Variants in KCNAB1 observed in about 807,000 individuals in gnomAD.
KCNAB1 encodes potassium voltage-gated channel subfamily A regulatory beta subunit 1.
Under a neutral mutation model 64.6 loss-of-function variants are expected in KCNAB1, and 35 were observed. The ratio of observed to expected loss-of-function variants is 0.54; its 90% CI spans 0.41 to 0.72. The LOEUF is 0.72. Among genes scored for constraint, KCNAB1 ranks in the 30% least tolerant of loss-of-function variants. The pLI is 0.00. For missense variants in KCNAB1, 401 were observed against 512.9 expected, an observed-to-expected ratio of 0.78 and a Z score of 2.11; for synonymous variants, 177 against 183.8, an observed-to-expected ratio of 0.96 and a Z score of 0.30.
At chr3:156,188,682 A>G (rs1463973016) in intron 1 of KCNAB1, among the ~76,000 whole-genome samples, 1 of 152,208 alleles carries the variant, frequency 6.6e-6, no homozygotes, top group East Asian at 1.9e-4. Context: ...TGCTTCATCT[A>G]TTCTGAAACT....
intron 1 of KCNAB1, among the ~76,000 whole-genome samples, chr3:156,122,161 T>A (rs1317234851): frequency 7.1e-6 from 1 of 140,486 alleles, no homozygotes; most frequent in African/African-American, 2.7e-5. Context: ...ACATTTGGGG[T>A]ACATGGGAGG....
At chr3:156,118,388 G>T (rs1713173146), upstream of KCNAB1, 1 of 445,596 alleles carries the variant, frequency 2.2e-6, no homozygotes, top group Non-Finnish European at 4.5e-6. Context: ...GTGGGTGAAA[G>T]CTGCATGGTC....
chr3:156,366,444 G>A (rs1018169735), intron 1 of KCNAB1, among the ~76,000 whole-genome samples: 2 of 152,144 alleles, frequency 1.3e-5, no homozygotes, highest in African/African-American at 4.8e-5. Context: ...GCCATACTAA[G>A]TGCTCAATAA....
intron 1 of KCNAB1, among the ~76,000 whole-genome samples, chr3:156,245,544 A>G (rs1717405103): frequency 6.6e-6 from 1 of 152,180 alleles, no homozygotes; most frequent in East Asian, 1.9e-4. Flanking sequence ...ATTTACTTCT[A>G]TGCAATTTTG....
chr3:156,229,799 G>A (rs34582489), intron 1 of KCNAB1, among the ~76,000 whole-genome samples: 15,787 of 152,164 alleles, frequency 0.1, 1,120 homozygotes, highest in Non-Finnish European at 0.15. Flanking sequence ...TAGCAGCTGT[G>A]CCTAGAGGTA....
chr3:156,403,516 T>A (rs1014042646), intron 1 of KCNAB1, among the ~76,000 whole-genome samples: 1 of 152,238 alleles, frequency 6.6e-6, no homozygotes, highest in Non-Finnish European at 1.5e-5. Context: ...TTCCTTCTGA[T>A]ATAAGGCTCA....
At chr3:156,283,478 C>T (rs1000435466) in intron 1 of KCNAB1, among the ~76,000 whole-genome samples, 21 of 148,472 alleles carry the variant, frequency 1.4e-4, no homozygotes, top group East Asian at 7.9e-4. Context: ...ATCTTTGTGG[C>T]GTTCTCTGTA....
At chr3:156,382,509 A>G (rs1712240014) in intron 1 of KCNAB1, among the ~76,000 whole-genome samples, 1 of 152,062 alleles carries the variant, frequency 6.6e-6, no homozygotes, top group Admixed American at 6.6e-5. Context: ...AACAAAAAAC[A>G]AACAAAAAAA....
At chr3:156,348,263 C>T (rs554021311) in intron 1 of KCNAB1, among the ~76,000 whole-genome samples, 1 of 152,092 alleles carries the variant, frequency 6.6e-6, no homozygotes, top group South Asian at 2.1e-4. Context: ...ACAATGAGAA[C>T]AGAACATGCA....
chr3:156,226,777 C>A (rs909372927), intron 1 of KCNAB1, among the ~76,000 whole-genome samples: 31 of 152,160 alleles, frequency 2.0e-4, no homozygotes, highest in African/African-American at 7.0e-4. Context: ...TCCTTTTATT[C>A]CAGTTTCAGG....
chr3:156,151,005 G>C (rs1715371532), intron 1 of KCNAB1, among the ~76,000 whole-genome samples: 1 of 152,188 alleles, frequency 6.6e-6, no homozygotes, highest in East Asian at 1.9e-4. Flanking sequence ...GGTGAAGAAA[G>C]GAAAAGTAGA....
intron 1 of KCNAB1, among the ~76,000 whole-genome samples, chr3:156,145,306 C>T (rs887224463): frequency 1.3e-5 from 2 of 152,188 alleles, no homozygotes; most frequent in African/African-American, 4.8e-5. Flanking sequence ...TGTGCTCTGA[C>T]ACATCTTCCT....
At chr3:156,341,755 A>G (rs1392447023) in intron 1 of KCNAB1, among the ~76,000 whole-genome samples, 1 of 152,238 alleles carries the variant, frequency 6.6e-6, no homozygotes, top group African/African-American at 2.4e-5. Context: ...GACCTAGTGC[A>G]TACATACATA....
intron 1 of KCNAB1, among the ~76,000 whole-genome samples, chr3:156,344,169 T>G (rs937037583): frequency 6.6e-6 from 1 of 152,144 alleles, no homozygotes; most frequent in African/African-American, 2.4e-5. Context: ...TCATTTGAGC[T>G]CAGCTCTTTC....
intron 11 of KCNAB1, among the ~76,000 whole-genome samples, chr3:156,521,234 G>A (rs992999940): frequency 2.0e-5 from 3 of 152,238 alleles, no homozygotes; most frequent in South Asian, 2.1e-4. Context: ...GAGTAGCTCC[G>A]GGACTTGTAA....
chr3:156,379,903 G>A lies in KCNAB1; in HGVS notation c.276-41713G>A, dbSNP rs770157618. Among the ~76,000 whole-genome samples, 10 of 152,314 alleles carry A rather than the reference G, an allele frequency of 6.6e-5. No individual in the cohort carries two copies. The South Asian group carries it at 8.3e-4, about 13-fold the overall frequency. On this transcript the variant is annotated intron_variant, in intron 1 of 13. Transcript: ENST00000490337. The stretch of plus-strand genomic sequence containing the variant: ...TTTCCAGACATACTCTAAAGGTAGA[G>A]TAGACGAGATTTACTTCACCATGCG...
At chr3:156,331,646 A>G (rs3772235) in intron 1 of KCNAB1, among the ~76,000 whole-genome samples, 1 of 151,512 alleles carries the variant, frequency 6.6e-6, no homozygotes, top group African/African-American at 2.4e-5. Flanking sequence ...CTTTTTTTTT[A>G]AATTATGAAA....
intron 1 of KCNAB1, among the ~76,000 whole-genome samples, chr3:156,284,954 A>G (rs528755946): frequency 9.2e-5 from 14 of 152,360 alleles, no homozygotes; most frequent in Admixed American, 8.5e-4. Context: ...GCTGTAGACC[A>G]GAGCTGTTCC....
At chr3:156,368,291 G>A (rs1560220686) in intron 1 of KCNAB1, among the ~76,000 whole-genome samples, 3 of 152,166 alleles carry the variant, frequency 2.0e-5, no homozygotes, top group Admixed American at 1.3e-4. Flanking sequence ...TTCTGAGTAG[G>A]GAGCAGTTCT....
Sources: gnomAD v4.1 joint callset for allele counts (sites outside exome capture counted in the v4.1 genomes callset) on GRCh38, gnomAD v4.1.1 for gene constraint, MANE v1.5 for transcripts, NCBI Gene and HGNC (gene_info 2026-07-23, HGNC 2026-07-21) for gene names.